The following RANBP2 variants were observed in gnomAD, a reference collection of about 807,000 sequenced individuals.
RANBP2 encodes RAN binding protein 2.
A neutral mutation model predicts 303.6 loss-of-function variants in RANBP2; 57 were observed. The observed-to-expected ratio is 0.19, with a 90% confidence interval of 0.15 to 0.23. The LOEUF is 0.23. RANBP2 is among the 10% of genes least tolerant of loss of function. The pLI is 1.00. For synonymous variants in RANBP2, 1,167 were observed against 1,301.5 expected (o/e 0.90, Z 2.23); for missense variants, 3,138 against 3,780.8 (o/e 0.83, Z 4.46).
chr2:109,601,577 CCTT>C, the RANBP2 span, among the ~76,000 whole-genome samples: 5 of 152,142 alleles, frequency 3.3e-5, no homozygotes, highest in African/African-American at 4.8e-5. Flanking sequence ...TCAGGGTACT[CCTT>C]CTTTGTTTCT....
chr2:108,837,969 G>C, the RANBP2 span, among the ~76,000 whole-genome samples: 1 of 151,704 alleles, frequency 6.6e-6, no homozygotes, highest in South Asian at 2.1e-4. Flanking sequence ...ATGGTAGGAA[G>C]ACAGGAGTCA....
In RANBP2 at chr2:108,725,628, C is replaced by T. The variant is rs571127406; in HGVS notation, c.73-3504C>T. Among the ~76,000 whole-genome samples, 18 of 151,942 alleles carry T rather than the reference C, an allele frequency of 1.2e-4. No homozygotes were observed. The South Asian group carries it at 1.3e-3, about 11-fold the overall frequency. ...TACAAAAATTAGCTGGGCATGGTGG[C>T]GTGCGCCTGTAGTCCCAGCTTGTAC... is the stretch of plus-strand genomic sequence containing the variant. On this transcript the variant is annotated intron_variant, in intron 1 of 28. Coordinates refer to ENST00000283195, the MANE Select transcript of RANBP2 (RefSeq NM_006267.5).
At chr2:109,343,419 C>T in the RANBP2 span, among the ~76,000 whole-genome samples, 1 of 151,998 alleles carries the variant, frequency 6.6e-6, no homozygotes, top group Admixed American at 6.5e-5. Flanking sequence ...AGGTTCATTC[C>T]CCCTCTTGGT....
chr2:109,670,463 C>G, the RANBP2 span, among the ~76,000 whole-genome samples: 7 of 148,866 alleles, frequency 4.7e-5, no homozygotes, highest in Admixed American at 1.3e-4. Flanking sequence ...CACAACTGCC[C>G]GAGGCAGATG....
At chr2:109,088,599 G>A in the RANBP2 span, among the ~76,000 whole-genome samples, 3 of 151,838 alleles carry the variant, frequency 2.0e-5, no homozygotes, top group South Asian at 2.1e-4. Context: ...TGCAATCTCC[G>A]GGGTTCAAGG....
the RANBP2 span, chr2:109,546,345 TAC>T: frequency 6.8e-6 from 4 of 585,188 alleles, no homozygotes; most frequent in Non-Finnish European, 8.3e-6. Context: ...CAGAATAACC[TAC>T]ACAGTCAAAA....
At chr2:109,564,811 A>G in the RANBP2 span, among the ~76,000 whole-genome samples, 1 of 152,222 alleles carries the variant, frequency 6.6e-6, no homozygotes, top group South Asian at 2.1e-4. Context: ...GACACAACTT[A>G]TTGTTAACCA....
At chr2:109,557,566 G>T in the RANBP2 span, among the ~76,000 whole-genome samples, 4 of 152,350 alleles carry the variant, frequency 2.6e-5, no homozygotes, top group South Asian at 8.3e-4. Flanking sequence ...TGTCTCAGCA[G>T]GAGAAAGTAA....
chr2:109,591,003 G>C, the RANBP2 span, among the ~76,000 whole-genome samples: 1 of 152,174 alleles, frequency 6.6e-6, no homozygotes, highest in Non-Finnish European at 1.5e-5. Flanking sequence ...TTGACCTATA[G>C]AACTGAGAGC....
chr2:109,665,214 G>T, the RANBP2 span: 2 of 152,966 alleles, frequency 1.3e-5, no homozygotes, highest in South Asian at 3.8e-4. Flanking sequence ...TTGAGATGCA[G>T]AATGATGCTG....
chr2:108,751,895 A>G lies in RANBP2; in HGVS notation c.1656A>G (p.Arg552=). The part of the protein sequence containing the change: ...KAVPGNVAKL[R]LLVQHEINTL... ...GACCTGGAAACGTAGCAAAATTGAG[A>G]CTTCTAGTTCAGCATGAAATAAACA... The change falls in exon 12 of 29, where the codon AGA becomes AGG. Residue 552 remains arginine, a synonymous_variant. Transcript: ENST00000283195. 1 of 1,611,958 alleles carries G rather than the reference A, an allele frequency of 6.2e-7. No individual in the cohort carries two copies. Among genetic ancestry groups the G allele is most frequent in the East Asian group, 2.2e-5 (1 of 44,866 alleles).
At position 108,768,222 on chromosome 2, in the gene RANBP2, T is replaced by A. The variant is rs1215093830; in HGVS notation, c.7683T>A (p.Ser2561Arg). 6.2e-7 allele frequency: 1 copy of A among 1,611,922 alleles called. No individual in the cohort carries two copies. The highest frequency in any genetic ancestry group is 8.5e-7 in the Non-Finnish European group (1 of 1,179,856). The change falls in exon 20 of 29, where the codon AGT becomes AGA. Residue 2561 changes from serine to arginine, a missense_variant. Transcript: ENST00000283195. ...TGAAAAGTAACAATAGTGAAACTAGTTCAGTAGCCCAGAGTGGATCTGAAA... is the reference window on the plus strand; with the variant it reads ...TGAAAAGTAACAATAGTGAAACTAGATCAGTAGCCCAGAGTGGATCTGAAA... Reference protein sequence around the residue: ...APLKSNNSETSSVAQSGSESK... With the variant: ...APLKSNNSETRSVAQSGSESK...
the RANBP2 span, among the ~76,000 whole-genome samples, chr2:109,026,960 T>C: frequency 6.6e-6 from 1 of 151,270 alleles, no homozygotes; most frequent in Admixed American, 6.6e-5. Flanking sequence ...TCTGAAGACA[T>C]TGGCCGGGTG....
chr2:109,354,767 C>A, the RANBP2 span, among the ~76,000 whole-genome samples: 8 of 152,246 alleles, frequency 5.3e-5, no homozygotes, highest in Non-Finnish European at 1.2e-4. Flanking sequence ...AAAGGCGCAT[C>A]TGTGTCTGTG....
rs1294424741 is a variant in RANBP2 at position 108,785,767 on chromosome 2, C to T, written c.*1866C>T. The T allele has an allele frequency of 1.3e-5, 2 of 152,178 alleles. No individual in the cohort carries two copies. Among genetic ancestry groups the T allele is most frequent in the African/African-American group, 4.8e-5 (2 of 41,418 alleles). 9.4% of individuals were successfully genotyped at this position (152,178 alleles called of 1,614,324 possible). A position where few individuals can be genotyped will look rare whatever the true frequency, so the allele number is the denominator to read the frequency against. ...TTTTAAACTGGATTTTATGTTGTCT[C>T]ATTAAAATCTGCTTAAAGATAGAAT... On this transcript the variant is annotated 3_prime_UTR_variant, in exon 29 of 29. Coordinates refer to ENST00000283195, the MANE Select transcript of RANBP2 (RefSeq NM_006267.5).
the RANBP2 span, among the ~76,000 whole-genome samples, chr2:109,679,824 C>T: frequency 6.6e-6 from 1 of 152,146 alleles, no homozygotes; most frequent in Non-Finnish European, 1.5e-5. Flanking sequence ...GTTTACAAAG[C>T]TCACAATTCA....
At chr2:108,891,243 T>C in the RANBP2 span, among the ~76,000 whole-genome samples, 2 of 152,250 alleles carry the variant, frequency 1.3e-5, no homozygotes, top group African/African-American at 4.8e-5. Context: ...TAATTTTTCA[T>C]GTTTCATTTG....
At chr2:108,844,516 A>C in the RANBP2 span, among the ~76,000 whole-genome samples, 1 of 151,834 alleles carries the variant, frequency 6.6e-6, no homozygotes, top group Non-Finnish European at 1.5e-5. Flanking sequence ...GACAATTCTA[A>C]CATTCTGTCC....
chr2:109,067,533 G>A, the RANBP2 span, among the ~76,000 whole-genome samples: 8 of 152,276 alleles, frequency 5.3e-5, no homozygotes, highest in South Asian at 6.2e-4. Context: ...TCCCTCCACC[G>A]CTCTGCGTCT....
Sources: gnomAD v4.1 joint callset for allele counts (sites outside exome capture counted in the v4.1 genomes callset) on GRCh38, gnomAD v4.1.1 for gene constraint, MANE v1.5 for transcripts, NCBI Gene and HGNC (gene_info 2026-07-23, HGNC 2026-07-21) for gene names.